SIL1: variants seen among roughly 807,000 people sequenced by gnomAD.
SIL1 encodes the protein SIL1 nucleotide exchange factor, also known as nucleotide exchange factor SIL1.
SIL1 carries 40 observed loss-of-function variants against 49.1 expected under a neutral mutation model. The observed-to-expected ratio is 0.81, with a 90% CI of 0.63 to 1.06. The LOEUF (loss-of-function observed/expected upper bound fraction) is 1.06. SIL1 is among the 50% of genes least tolerant of loss of function. The probability of loss-of-function intolerance (pLI) is 0.00; values close to 1 mark genes in which losing one functional copy is unlikely to be tolerated. For synonymous variants in SIL1, 253 were observed against 250.8 expected (o/e 1.01, Z -0.08); for missense variants, 500 against 572.6 (o/e 0.87, Z 1.29).
intron 3 of SIL1, among the ~76,000 whole-genome samples, chr5:139,111,237 T>A (rs1158980387): frequency 2.0e-5 from 3 of 152,206 alleles, no homozygotes; most frequent in African/African-American, 4.8e-5. Flanking sequence ...TGAAGACATC[T>A]AATAGGAGCT....
chr5:139,008,949 G>T (rs966644960), intron 7 of SIL1, among the ~76,000 whole-genome samples: 34 of 151,234 alleles, frequency 2.2e-4, no homozygotes, highest in African/African-American at 8.2e-4. Flanking sequence ...TTGATTTGGG[G>T]TGGAGAGTTC....
At chr5:139,088,004 A>G (rs1042028234) in intron 3 of SIL1, among the ~76,000 whole-genome samples, 1 of 151,994 alleles carries the variant, frequency 6.6e-6, no homozygotes, top group Non-Finnish European at 1.5e-5. Flanking sequence ...ACCATAATGT[A>G]GGTACCTCCC....
intron 3 of SIL1, among the ~76,000 whole-genome samples, chr5:139,092,471 T>G (rs1050472251): frequency 2.6e-5 from 4 of 152,220 alleles, no homozygotes; most frequent in Non-Finnish European, 5.9e-5. Flanking sequence ...ACCCTTGGCC[T>G]CTTCCTTGAG....
intron 7 of SIL1, among the ~76,000 whole-genome samples, chr5:139,004,462 G>C (rs1324093449): frequency 6.6e-6 from 1 of 152,140 alleles, no homozygotes; most frequent in Non-Finnish European, 1.5e-5. Context: ...TCTTTAAATA[G>C]AGGTTTATTC....
intron 3 of SIL1, among the ~76,000 whole-genome samples, chr5:139,098,792 A>C (rs1770522735): frequency 6.6e-6 from 1 of 150,802 alleles, no homozygotes; most frequent in Admixed American, 6.6e-5. Context: ...AAAAGATTTG[A>C]ATAGACTTTT....
intron 3 of SIL1, among the ~76,000 whole-genome samples, chr5:139,061,120 T>G (rs1273151929): frequency 6.6e-6 from 1 of 152,174 alleles, no homozygotes; most frequent in African/African-American, 2.4e-5. Flanking sequence ...AATGATAGTT[T>G]TACCTATTAA....
chr5:139,084,594 T>G (rs1342352332), intron 3 of SIL1, among the ~76,000 whole-genome samples: 1 of 120,342 alleles, frequency 8.3e-6, no homozygotes, highest in Admixed American at 8.8e-5. Context: ...TGAGATCACA[T>G]GGACACAGGA....
chr5:138,954,359 G>C (rs894618905), intron 7 of SIL1, among the ~76,000 whole-genome samples: 1 of 152,276 alleles, frequency 6.6e-6, no homozygotes, highest in Non-Finnish European at 1.5e-5. Flanking sequence ...ACAGTGCACA[G>C]CCTTGGCAGC....
intron 3 of SIL1, among the ~76,000 whole-genome samples, chr5:139,109,372 T>C (rs1199134448): frequency 1.3e-5 from 2 of 152,164 alleles, no homozygotes; most frequent in African/African-American, 4.8e-5. Context: ...TAAGAATTAA[T>C]CCCTAAGATC....
At chr5:139,059,074 AC>A (rs1769525880) in intron 3 of SIL1, among the ~76,000 whole-genome samples, 1 of 152,126 alleles carries the variant, frequency 6.6e-6, no homozygotes, top group Non-Finnish European at 1.5e-5. Context: ...GTATATGTAC[AC>A]ACACACATAG....
chr5:139,185,586 CAT>C (rs1363053745), intron 1 of SIL1, among the ~76,000 whole-genome samples: 1 of 152,184 alleles, frequency 6.6e-6, no homozygotes, highest in East Asian at 1.9e-4. Flanking sequence ...ACTGTATATG[CAT>C]ATGTTTCAAA....
chr5:139,021,272 C>T lies in SIL1; in HGVS notation c.666G>A (p.Leu222=). 2 of 1,614,180 alleles carry T rather than the reference C, an allele frequency of 1.2e-6. No homozygotes were observed. Among genetic ancestry groups the T allele is most frequent in the Middle Eastern group, 1.6e-4 (1 of 6,062 alleles). Residue 222 remains leucine (L), a synonymous_variant, in exon 7 of 10, where the codon CTG becomes CTA. Transcript: ENST00000394817. ...CCACTTGAAGACCACCAAAGGAAAG[C>T]AGGTCCTGCGCATTGTCCATCTGCA... ...YVHQMDNAQD[L]LSFGGLQVVI... is the part of the protein sequence containing the mutation.
intron 1 of SIL1, among the ~76,000 whole-genome samples, chr5:139,147,342 ACT>A (rs1751213294): frequency 6.6e-6 from 1 of 151,904 alleles, no homozygotes; most frequent in South Asian, 2.1e-4. Flanking sequence ...CATCAGCAAC[ACT>A]CTACAGATCA....
intron 1 of SIL1, among the ~76,000 whole-genome samples, chr5:139,132,117 C>T (rs759900366): frequency 2.0e-5 from 3 of 151,984 alleles, no homozygotes; most frequent in Non-Finnish European, 4.4e-5. Context: ...TAGGGATCAA[C>T]AACGAAACTG....
intron 3 of SIL1, among the ~76,000 whole-genome samples, chr5:139,108,537 T>C (rs1389887756): frequency 6.6e-6 from 1 of 152,194 alleles, no homozygotes; most frequent in Non-Finnish European, 1.5e-5. Flanking sequence ...GACAGGGCTG[T>C]GGGAGGCAGG....
intron 5 of SIL1, among the ~76,000 whole-genome samples, chr5:139,040,477 A>ATTTTT (rs1433157841): frequency 1.0e-5 from 1 of 95,642 alleles, no homozygotes; most frequent in Admixed American, 1.0e-4. Context: ...GGAGAGGAGT[A>ATTTTT]TTTTTTCTTT....
At chr5:138,951,360 G>A in intron 8 of SIL1, 25 bp from the exon 9 acceptor site, 2 of 1,551,042 alleles carry the variant, frequency 1.3e-6, no homozygotes, top group East Asian at 2.4e-5. Flanking sequence ...CCAGGGGTAG[G>A]TGAGGGGCCA....
chr5:139,024,399 G>A (rs28573121), intron 6 of SIL1, among the ~76,000 whole-genome samples: 3,278 of 152,190 alleles, frequency 0.022, 125 homozygotes, highest in African/African-American at 0.076. Flanking sequence ...TGAGGCCTGA[G>A]AAAGAGTTAT....
rs1179109932 is a variant in SIL1, at chr5:139,021,149, G to A, written c.767+22C>T. ...TCAGGCCAAGCAATTCTGGCCATTG[G>A]GACGTCCATTATACTGCTCACCTGG... On this transcript the variant is annotated intron_variant, in intron 7 of 9. Transcript: ENST00000394817. 2.5e-6 allele frequency: 4 copies of A among 1,613,946 alleles called. No homozygotes were observed. In the African/African-American group the frequency reaches 4.0e-5, roughly 16 times the overall value.
Sources: allele counts gnomAD v4.1 joint callset (sites outside exome capture counted in the v4.1 genomes callset), GRCh38; gene constraint gnomAD v4.1.1; transcripts MANE v1.5; gene names NCBI Gene and HGNC (gene_info 2026-07-23, HGNC 2026-07-21).